KPNA6: variants seen among roughly 807,000 people sequenced by gnomAD.
The protein encoded by KPNA6 is karyopherin subunit alpha 6.
A neutral mutation model predicts 72.0 loss-of-function variants in KPNA6; 9 were observed. The ratio of observed to expected loss-of-function variants is 0.13; its 90% confidence interval spans 0.08 to 0.22. KPNA6 has a LOEUF of 0.22. Among genes scored for constraint, KPNA6 ranks in the 10% least tolerant of loss-of-function variants. KPNA6 has a pLI of 1.00. For missense variants in KPNA6, 374 were observed against 655.7 expected (o/e 0.57, Z 4.69); for synonymous variants, 219 against 242.1 (o/e 0.90, Z 0.89).
chr1:32,133,343 TA>T (rs1197218792), intron 1 of KPNA6, among the ~76,000 whole-genome samples: 252 of 143,010 alleles, frequency 1.8e-3, no homozygotes, highest in Admixed American at 4.1e-3. Flanking sequence ...GACCTTGTCT[TA>T]AAAAAAAAAA....
intron 1 of KPNA6, among the ~76,000 whole-genome samples, chr1:32,150,373 T>C (rs1370960550): frequency 6.6e-6 from 1 of 152,024 alleles, no homozygotes; most frequent in Non-Finnish European, 1.5e-5. Context: ...CCTCAAGTGA[T>C]CCATCTGCCT....
At chr1:32,135,358 C>T (rs781154005) in intron 1 of KPNA6, among the ~76,000 whole-genome samples, 16 of 151,770 alleles carry the variant, frequency 1.1e-4, no homozygotes, top group South Asian at 2.1e-4. Flanking sequence ...TGAGCCACCG[C>T]GCCTGGCCAA....
At chr1:32,164,637 A>G (rs1452361096) in intron 10 of KPNA6, among the ~76,000 whole-genome samples, 4 of 147,552 alleles carry the variant, frequency 2.7e-5, no homozygotes, top group Non-Finnish European at 6.0e-5. Context: ...GCATTTTTCT[A>G]ATGATTGGTA....
At chr1:32,147,215 C>T (rs1272596720) in intron 1 of KPNA6, among the ~76,000 whole-genome samples, 1 of 152,086 alleles carries the variant, frequency 6.6e-6, no homozygotes, top group African/African-American at 2.4e-5. Flanking sequence ...TCATAATTCT[C>T]CCTCATTTTT....
intron 1 of KPNA6, among the ~76,000 whole-genome samples, chr1:32,141,056 G>C (rs1423996759): frequency 1.3e-5 from 2 of 152,126 alleles, no homozygotes; most frequent in Non-Finnish European, 2.9e-5. Context: ...AATTAATCCT[G>C]ATGTTGTAGG....
rs765631166 is a variant in KPNA6 at position 32,148,982 on chromosome 1, C to T, written c.5-5606C>T. Among the ~76,000 whole-genome samples the T allele has an allele frequency of 4.3e-4, 66 of 152,212 alleles. 1 individual carries two copies. The highest frequency in any genetic ancestry group is 2.1e-4 in the South Asian group (1 of 4,826). ...TGCTGGGATTACAATCATGAGCCAC[C>T]GTGCCGGCCATATTGGTCCTTTTAA... On this transcript the variant is annotated intron_variant, in intron 1 of 13. Coordinates refer to ENST00000373625, the MANE Select transcript of KPNA6 (RefSeq NM_012316.5).
chr1:32,130,827 T>C (rs528109115), intron 1 of KPNA6, among the ~76,000 whole-genome samples: 3 of 152,028 alleles, frequency 2.0e-5, no homozygotes, highest in Non-Finnish European at 4.4e-5. Context: ...ATGTGGATCA[T>C]TGATTTATTT....
At position 32,170,732 on chromosome 1, in the gene KPNA6, G is replaced by T; in HGVS notation, c.1449G>T (p.Gln483His). 6.2e-7 allele frequency: 1 copy of T among 1,614,042 alleles called. No homozygotes were observed. The highest frequency in any genetic ancestry group is 8.5e-7 in the Non-Finnish European group (1 of 1,179,966). ...AYGLDKIEFL[Q>H]SHENQEIYQK... Reference sequence around the variant, plus strand: ...GCTTGGATAAAATTGAGTTTCTCCAGAGCCACGAGAACCAGGAGATCTACC... The same window carrying T: ...GCTTGGATAAAATTGAGTTTCTCCATAGCCACGAGAACCAGGAGATCTACC... The change falls in exon 14 of 14, where the codon CAG (glutamine) becomes CAT (histidine). Residue 483 changes from glutamine to histidine, a missense_variant. Gln to His is a conservative substitution (Grantham distance 24). Transcript: ENST00000373625.
Position 32,158,304 on chromosome 1 carries a change from A to G in KPNA6, c.369A>G (p.Pro123=), listed in dbSNP as rs1474540862. 2 of 1,613,548 alleles carry G rather than the reference A, an allele frequency of 1.2e-6. No homozygotes were observed. The highest frequency in any genetic ancestry group is 1.7e-6 in the Non-Finnish European group (2 of 1,179,462). The change falls in exon 5 of 14, where the codon CCA becomes CCG. Residue 123 remains proline (P), a synonymous_variant. Transcript: ENST00000373625. The part of the protein sequence containing the change: ...SPPIDEVINT[P]RVVDRFVEFL... ...CAATAGATGAAGTTATCAACACTCC[A>G]AGAGTGGTGGATCGGTTCGTGGAGT...
In KPNA6 at chr1:32,139,450, C is replaced by CTA. The variant is rs563027374; in HGVS notation, c.5-15128_5-15127dup. 9.2e-5 allele frequency among the ~76,000 whole-genome samples: 14 copies of CTA among 152,106 alleles called. No homozygotes were observed. In the East Asian group the frequency reaches 1.9e-3, roughly 21 times the overall value. On this transcript the variant is annotated intron_variant, in intron 1 of 13. Coordinates refer to ENST00000373625, the MANE Select transcript of KPNA6 (RefSeq NM_012316.5). ...TATATATATTCTTGGCCAACAATTACTATATATATATGTTTTTTTCTCCAT... is the reference window on the plus strand; with the variant it reads ...TATATATATTCTTGGCCAACAATTACTATATATATATATGTTTTTTTCTCCAT...
Position 32,156,954 on chromosome 1 carries a change from C to T in KPNA6, c.231+9C>T, listed in dbSNP as rs750078865. 3.1e-6 allele frequency: 5 copies of T among 1,599,936 alleles called. No individual in the cohort carries two copies. Among genetic ancestry groups the T allele is most frequent in the Non-Finnish European group, 4.3e-6 (5 of 1,167,808 alleles). On this transcript the variant is annotated intron_variant, in intron 3 of 13. Transcript: ENST00000373625. ...TGAGCTCTACCACTGGGGTAAGGCCCCTGCATGTGCCTCAGGCTGACCTGG... is the reference window on the plus strand; with the variant it reads ...TGAGCTCTACCACTGGGGTAAGGCCTCTGCATGTGCCTCAGGCTGACCTGG...
At chr1:32,117,179 T>G (rs1019845311) in intron 1 of KPNA6, among the ~76,000 whole-genome samples, 1 of 144,002 alleles carries the variant, frequency 6.9e-6, no homozygotes, top group Non-Finnish European at 1.5e-5. Context: ...TTTTTTTTTG[T>G]TTTTTTTTTT....
intron 1 of KPNA6, 90 bp downstream of exon 1, chr1:32,108,224 G>A (rs1184202534): frequency 3.2e-6 from 5 of 1,565,904 alleles, no homozygotes; most frequent in African/African-American, 1.3e-5. Flanking sequence ...GTCTGCGGAA[G>A]ATGTCTGCAT....
intron 1 of KPNA6, among the ~76,000 whole-genome samples, chr1:32,153,052 AT>A (rs113509706): frequency 0.12 from 17,305 of 146,956 alleles, 1,471 homozygotes; most frequent in South Asian, 0.24. Flanking sequence ...TAGTGTGAAC[AT>A]TTAATTACTT....
At chr1:32,108,633 C>T (rs1641188492) in intron 1 of KPNA6, among the ~76,000 whole-genome samples, 2 of 152,232 alleles carry the variant, frequency 1.3e-5, no homozygotes, top group Admixed American at 6.5e-5. Flanking sequence ...AGCACTAGGC[C>T]GGTAAGCATG....
At chr1:32,157,011 C>A in intron 3 of KPNA6, 66 bp downstream of exon 3, 2 of 1,144,016 alleles carry the variant, frequency 1.7e-6, no homozygotes, top group Non-Finnish European at 2.6e-6. Flanking sequence ...AGAAATTGGG[C>A]CGTTCACATC....
intron 1 of KPNA6, among the ~76,000 whole-genome samples, chr1:32,121,505 A>G (rs895226546): frequency 6.6e-5 from 10 of 152,136 alleles, no homozygotes; most frequent in Admixed American, 3.3e-4. Flanking sequence ...TTGATCATCT[A>G]TTTATCTCTA....
At position 32,155,915 on chromosome 1, in the gene KPNA6, A is replaced by ATT. The variant is rs747284319; in HGVS notation, c.139-917_139-916dup. ...CACCACGCCCGGCTAATTTTTGTGG[A>ATT]TTTTTTTTTTTTTTTTTTTTTTGTA... On this transcript the variant is annotated intron_variant, in intron 2 of 13. Transcript: ENST00000373625. Among the ~76,000 whole-genome samples the ATT allele has an allele frequency of 2.3e-3, 240 of 105,036 alleles. 2 individuals are homozygous for ATT. The highest frequency in any genetic ancestry group is 5.5e-3 in the African/African-American group (143 of 26,194). The allele number at this position is 105,036 out of a possible 152,430, so 68.9% of individuals were successfully genotyped here.
chr1:32,154,991 A>G (rs1642110605), intron 2 of KPNA6, among the ~76,000 whole-genome samples: 2 of 151,916 alleles, frequency 1.3e-5, no homozygotes, highest in Non-Finnish European at 2.9e-5. Context: ...TGCGCCTGCA[A>G]TCTCAGCTAC....
Sources: gnomAD v4.1 joint callset for allele counts (sites outside exome capture counted in the v4.1 genomes callset) on GRCh38, gnomAD v4.1.1 for gene constraint, MANE v1.5 for transcripts, NCBI Gene and HGNC (gene_info 2026-07-23, HGNC 2026-07-21) for gene names.